RGPD2: variants seen among roughly 807,000 people sequenced by gnomAD.
RGPD2 encodes RANBP2-like and GRIP domain-containing protein 2.
In RGPD2, 2 loss-of-function variants were observed where a neutral mutation model predicts 36.0. The ratio of observed to expected loss-of-function variants is 0.06; its 90% CI spans 0.02 to 0.17. RGPD2 has a LOEUF of 0.17. RGPD2 is among the 10% of genes least tolerant of loss of function. The probability of loss-of-function intolerance (pLI) is 1.00; values close to 1 mark genes in which losing one functional copy is unlikely to be tolerated. For synonymous variants in RGPD2, 19 were observed against 163.8 expected, an observed-to-expected ratio of 0.12 and a Z score of 6.75; for missense variants, 40 against 464.3, an observed-to-expected ratio of 0.09 and a Z score of 8.40.
At chr2:87,956,439 G>T in the RGPD2 span, among the ~76,000 whole-genome samples, 1 of 148,854 alleles carries the variant, frequency 6.7e-6, no homozygotes, top group African/African-American at 2.5e-5. Flanking sequence ...GCACGTGCGT[G>T]TGTGTCTACA....
chr2:87,825,129 C>T, intron 1 of RGPD2: 1 of 390,746 alleles, frequency 2.6e-6, no homozygotes, highest in East Asian at 3.6e-5. Flanking sequence ...TCGCTTCATT[C>T]ATTGCCCCCA....
At chr2:87,860,123 G>A in the RGPD2 span, among the ~76,000 whole-genome samples, 1 of 152,036 alleles carries the variant, frequency 6.6e-6, no homozygotes, top group Non-Finnish European at 1.5e-5. Context: ...CTTTACCAAT[G>A]CTTTGGTGTG....
the RGPD2 span, among the ~76,000 whole-genome samples, chr2:87,834,657 A>G: frequency 6.6e-6 from 1 of 152,100 alleles, no homozygotes; most frequent in Non-Finnish European, 1.5e-5. Flanking sequence ...ACACTGTAAC[A>G]CATAAACATT....
At chr2:87,976,499 C>T in the RGPD2 span, among the ~76,000 whole-genome samples, 1 of 151,360 alleles carries the variant, frequency 6.6e-6, no homozygotes, top group Non-Finnish European at 1.5e-5. Flanking sequence ...GAACTTATTC[C>T]ATTACTTTGC....
chr2:87,963,955 C>A, the RGPD2 span, among the ~76,000 whole-genome samples: 1 of 147,296 alleles, frequency 6.8e-6, no homozygotes, highest in Non-Finnish European at 1.5e-5. Context: ...TGTGCCTCAG[C>A]CTCCCGAGTA....
the RGPD2 span, among the ~76,000 whole-genome samples, chr2:87,876,208 G>A: frequency 9.8e-6 from 1 of 101,716 alleles, no homozygotes; most frequent in Non-Finnish European, 2.0e-5. Flanking sequence ...AATTTTTTAT[G>A]TCCCCATCTC....
the RGPD2 span, among the ~76,000 whole-genome samples, chr2:87,935,306 A>C: frequency 6.6e-6 from 1 of 151,182 alleles, no homozygotes; most frequent in Non-Finnish European, 1.5e-5. Context: ...AAACAAAGAG[A>C]GTATTCCATG....
At chr2:87,877,732 G>T in the RGPD2 span, among the ~76,000 whole-genome samples, 1 of 142,612 alleles carries the variant, frequency 7.0e-6, no homozygotes, top group Non-Finnish European at 1.5e-5. Flanking sequence ...ACGAACCCAG[G>T]AGGCAGAGCT....
At chr2:87,870,059 T>C in the RGPD2 span, among the ~76,000 whole-genome samples, 43 of 152,278 alleles carry the variant, frequency 2.8e-4, no homozygotes, top group East Asian at 3.9e-4. Context: ...CTGGCTCCAA[T>C]TGTGAACTAT....
chr2:87,864,772 T>C, the RGPD2 span, among the ~76,000 whole-genome samples: 1 of 152,276 alleles, frequency 6.6e-6, no homozygotes, highest in Non-Finnish European at 1.5e-5. Context: ...TGTCTGTTCA[T>C]ACCTTTTGAC....
At chr2:87,917,849 T>A in the RGPD2 span, among the ~76,000 whole-genome samples, 1 of 123,358 alleles carries the variant, frequency 8.1e-6, no homozygotes, top group African/African-American at 3.6e-5. Context: ...CATAATGTAG[T>A]CTCTATTAAC....
the RGPD2 span, among the ~76,000 whole-genome samples, chr2:87,844,443 G>A: frequency 1.1e-4 from 17 of 150,804 alleles, no homozygotes; most frequent in East Asian, 9.8e-4. Context: ...TCAAGGACTC[G>A]GTACATCTAG....
At chr2:87,836,004 G>C in the RGPD2 span, among the ~76,000 whole-genome samples, 1 of 147,280 alleles carries the variant, frequency 6.8e-6, no homozygotes, top group Non-Finnish European at 1.5e-5. Flanking sequence ...TGCTTCAATT[G>C]GTGTCCTTGA....
At chr2:87,985,930 A>T in the RGPD2 span, 1 of 1,546,410 alleles carries the variant, frequency 6.5e-7, no homozygotes, top group African/African-American at 1.4e-5. Context: ...AAAAGCAAAG[A>T]TTAATTTTAG....
chr2:87,972,146 C>T, the RGPD2 span, among the ~76,000 whole-genome samples: 2 of 152,140 alleles, frequency 1.3e-5, no homozygotes, highest in African/African-American at 4.8e-5. Flanking sequence ...GTAGTTTGGT[C>T]AGCAATGAAA....
chr2:87,914,252 A>G, the RGPD2 span, among the ~76,000 whole-genome samples: 2 of 120,358 alleles, frequency 1.7e-5, no homozygotes, highest in South Asian at 3.2e-4. Context: ...TTTTGTTAAT[A>G]TCAAATGAGT....
intron 22 of RGPD2, among the ~76,000 whole-genome samples, chr2:87,760,553 T>C (rs1358457071): frequency 2.7e-4 from 1 of 3,710 alleles, no homozygotes; most frequent in Admixed American, 1.9e-3. Flanking sequence ...CATAGCTTTA[T>C]CTATCATGAA....
At chr2:87,848,854 G>GGT in the RGPD2 span, among the ~76,000 whole-genome samples, 1 of 122,734 alleles carries the variant, frequency 8.1e-6, no homozygotes, top group Non-Finnish European at 1.9e-5. Flanking sequence ...AATAATTGAG[G>GGT]GTGTGGTGTG....
chr2:87,905,597 C>A, the RGPD2 span, among the ~76,000 whole-genome samples: 1 of 151,590 alleles, frequency 6.6e-6, no homozygotes, highest in Non-Finnish European at 1.5e-5. Context: ...ACAGCCCTTA[C>A]CAATTCCGAT....
Sources: allele counts gnomAD v4.1 joint callset (sites outside exome capture counted in the v4.1 genomes callset), GRCh38; gene constraint gnomAD v4.1.1; transcripts MANE v1.5; gene names NCBI Gene and HGNC (gene_info 2026-07-23, HGNC 2026-07-21).